The following RYR2 variants were observed in gnomAD, a reference collection of about 807,000 sequenced individuals.
RYR2 encodes cardiac muscle ryanodine receptor-calcium release channel.
In RYR2, 227 loss-of-function variants were observed where a neutral mutation model predicts 601.1. That is an observed-to-expected ratio of 0.38 (90% CI 0.34 to 0.42). The LOEUF (loss-of-function observed/expected upper bound fraction) is 0.42, where lower values mean the gene tolerates loss of function less well. Among genes scored for constraint, RYR2 ranks in the 10% least tolerant of loss-of-function variants. The pLI, the probability that RYR2 is intolerant of heterozygous loss-of-function variation, is 1.00. For synonymous variants in RYR2, 2,223 were observed against 2,175.1 expected, an observed-to-expected ratio of 1.02 and a Z score of -0.61; for missense variants, 4,646 against 6,156.5, an observed-to-expected ratio of 0.75 and a Z score of 8.21.
In RYR2 at chr1:237,831,504, G is replaced by C. The variant is rs1483183617; in HGVS notation, c.14757-10G>C. 1.3e-6 allele frequency: 2 copies of C among 1,485,982 alleles called. No homozygotes were observed. The highest frequency in any genetic ancestry group is 2.3e-5 in the East Asian group (1 of 44,138). The allele number at this position is 1,485,982 out of a possible 1,614,324, so 92.0% of individuals were successfully genotyped here. A position where few individuals can be genotyped will look rare whatever the true frequency, so the allele number is the denominator to read the frequency against. ...CCGTTCATTTCTGATCAGTTTCTCT[G>C]TATCTGTAGGTTTTTTCTGATGTAT... On this transcript the variant is annotated splice_polypyrimidine_tract_variant and intron_variant, in intron 103 of 104. Transcript: ENST00000366574.
At chr1:237,162,306 A>G (rs1314463520) in intron 1 of RYR2, among the ~76,000 whole-genome samples, 3 of 152,118 alleles carry the variant, frequency 2.0e-5, no homozygotes, top group Non-Finnish European at 2.9e-5. Flanking sequence ...TGTGGAATGA[A>G]CACGCCATCA....
rs370568915 is a variant in RYR2 at position 237,155,698 on chromosome 1, A to T, written c.48+113129A>T. 6.2e-4 allele frequency among the ~76,000 whole-genome samples: 95 copies of T among 152,264 alleles called. 1 individual carries two copies. The highest frequency in any genetic ancestry group is 2.1e-3 in the African/African-American group (86 of 41,554). On this transcript the variant is annotated intron_variant, in intron 1 of 104. Coordinates refer to ENST00000366574, the MANE Select transcript of RYR2 (RefSeq NM_001035.3). ...GGACCAGCTATTTAATGATCCTTTG[A>T]TCATTAAATATGCAGTTATATATCT...
At chr1:237,401,064 A>G (rs1170910907) in intron 10 of RYR2, among the ~76,000 whole-genome samples, 2 of 152,208 alleles carry the variant, frequency 1.3e-5, no homozygotes, top group Non-Finnish European at 2.9e-5. Flanking sequence ...AATAATATTA[A>G]TTGCCATTTG....
At chr1:237,301,802 T>C (rs1384152637) in intron 2 of RYR2, among the ~76,000 whole-genome samples, 1 of 152,104 alleles carries the variant, frequency 6.6e-6, no homozygotes, top group African/African-American at 2.4e-5. Context: ...TTGACCAGAG[T>C]GTTTTCACTC....
At chr1:237,547,970 T>G (rs564539350) in intron 25 of RYR2, among the ~76,000 whole-genome samples, 12 of 152,352 alleles carry the variant, frequency 7.9e-5, no homozygotes, top group African/African-American at 2.9e-4. Context: ...TAAATTTCCC[T>G]GTGGAATAAG....
chr1:237,821,310 G>A (rs1662470538), intron 101 of RYR2, among the ~76,000 whole-genome samples: 1 of 152,172 alleles, frequency 6.6e-6, no homozygotes, highest in African/African-American at 2.4e-5. Flanking sequence ...CCCTCTGGGA[G>A]GAAGCTTCCA....
At chr1:237,177,626 A>G (rs1269414169) in intron 1 of RYR2, among the ~76,000 whole-genome samples, 2 of 152,368 alleles carry the variant, frequency 1.3e-5, no homozygotes, top group South Asian at 4.1e-4. Context: ...GTTTATAGCT[A>G]TAGATCATTT....
Position 237,633,795 on chromosome 1 carries a change from G to A in RYR2, c.6688+85G>A, listed in dbSNP as rs768151629. The A allele has an allele frequency of 4.8e-4, 631 of 1,322,452 alleles. 4 individuals carry two copies. Among genetic ancestry groups the A allele is most frequent in the Admixed American group, 1.2e-4 (5 of 40,222 alleles). 81.9% of individuals were successfully genotyped at this position (1,322,452 alleles called of 1,614,324 possible). The stretch of plus-strand genomic sequence containing the variant: ...AAGCAAACGTTTTGTTAAAAAATGT[G>A]CAATGGACCTGAATAGACATTTCAC... On this transcript the variant is annotated intron_variant, in intron 43 of 104. Transcript: ENST00000366574.
At position 237,161,059 on chromosome 1, in the gene RYR2, A is replaced by G. The variant is rs141952570; in HGVS notation, c.49-109438A>G. 3.5e-3 allele frequency among the ~76,000 whole-genome samples: 537 copies of G among 152,306 alleles called. 2 individuals carry two copies. Among genetic ancestry groups the G allele is most frequent in the African/African-American group, 0.013 (522 of 41,584 alleles). On this transcript the variant is annotated intron_variant, in intron 1 of 104. Transcript: ENST00000366574. ...AAGATAAATCTAAATAATTCTTTGG[A>G]TGGCATGTTAATTAGGAGATGCTGA...
intron 29 of RYR2, among the ~76,000 whole-genome samples, chr1:237,574,430 C>T (rs1332649576): frequency 2.0e-5 from 3 of 152,128 alleles, no homozygotes; most frequent in Non-Finnish European, 4.4e-5. Context: ...TTTTATATAA[C>T]CCTCTCCTCT....
intron 2 of RYR2, among the ~76,000 whole-genome samples, chr1:237,310,138 C>T (rs1273204123): frequency 2.0e-5 from 3 of 152,166 alleles, no homozygotes; most frequent in African/African-American, 2.4e-5. Context: ...TGAGAGTGAG[C>T]GAGGGCTGCC....
chr1:237,436,432 C>T (rs1234850508), intron 12 of RYR2, among the ~76,000 whole-genome samples: 3 of 91,300 alleles, frequency 3.3e-5, no homozygotes, highest in Admixed American at 2.3e-4. Context: ...CCTGAGAAGC[C>T]GAGGGATAAT....
At chr1:237,590,537 C>T in intron 30 of RYR2, 103 bp from the exon 31 acceptor site, 1 of 847,738 alleles carries the variant, frequency 1.2e-6, no homozygotes, top group African/African-American at 1.7e-5. Context: ...CATGTGTGGA[C>T]CGCATTTGGG....
chr1:237,092,447 CA>C (rs1667060214), intron 1 of RYR2, among the ~76,000 whole-genome samples: 1 of 151,750 alleles, frequency 6.6e-6, no homozygotes, highest in South Asian at 2.1e-4. Context: ...CATTTGAAAC[CA>C]TGTTATTTTA....
At chr1:237,246,238 GGT>G (rs1686814366) in intron 1 of RYR2, among the ~76,000 whole-genome samples, 1 of 152,036 alleles carries the variant, frequency 6.6e-6, no homozygotes, top group African/African-American at 2.4e-5. Context: ...TGGGATTACA[GGT>G]GCATGCCACC....
intron 12 of RYR2, among the ~76,000 whole-genome samples, chr1:237,424,354 G>A (rs1366478784): frequency 6.6e-6 from 1 of 152,080 alleles, no homozygotes; most frequent in Non-Finnish European, 1.5e-5. Flanking sequence ...CTAGGTATAG[G>A]CATCTTCACA....
At chr1:237,633,805 T>C (rs779486846) in intron 43 of RYR2, 95 bp downstream of exon 43, 14 of 1,160,528 alleles carry the variant, frequency 1.2e-5, no homozygotes, top group Non-Finnish European at 1.5e-5. Flanking sequence ...GCAATGGACC[T>C]GAATAGACAT....
intron 1 of RYR2, among the ~76,000 whole-genome samples, chr1:237,053,315 A>C (rs1382500105): frequency 6.6e-6 from 1 of 152,248 alleles, no homozygotes; most frequent in Non-Finnish European, 1.5e-5. Context: ...CTTCAGACAA[A>C]TGAAAAGCTG....
intron 3 of RYR2, among the ~76,000 whole-genome samples, chr1:237,351,378 TAGAA>T (rs1177800163): frequency 3.9e-5 from 6 of 151,986 alleles, no homozygotes; most frequent in Admixed American, 1.3e-4. Flanking sequence ...ATTTATGAAG[TAGAA>T]AGAAATATAA....
Sources: allele counts gnomAD v4.1 joint callset (sites outside exome capture counted in the v4.1 genomes callset), GRCh38; gene constraint gnomAD v4.1.1; transcripts MANE v1.5; gene names NCBI Gene and HGNC (gene_info 2026-07-23, HGNC 2026-07-21).